ZNF529: variants seen among roughly 807,000 people sequenced by gnomAD.
ZNF529 encodes zinc finger protein 529.
A neutral mutation model predicts 10.1 loss-of-function variants in ZNF529; 11 were observed. The ratio of observed to expected loss-of-function variants is 1.09; its 90% CI spans 0.69 to 1.81. The LOEUF is 1.81. Among genes scored for constraint, ZNF529 ranks in the 40% most tolerant of loss-of-function variants. ZNF529 has a pLI of 0.00. For synonymous variants in ZNF529, 204 were observed against 215.7 expected, an observed-to-expected ratio of 0.95 and a Z score of 0.47; for missense variants, 624 against 666.8, an observed-to-expected ratio of 0.94 and a Z score of 0.71.
intron 2 of ZNF529, among the ~76,000 whole-genome samples, chr19:36,570,165 A>T (rs367774114): frequency 6.6e-6 from 1 of 152,042 alleles, no homozygotes; most frequent in Non-Finnish European, 1.5e-5. Context: ...GTTCAAGATC[A>T]GCTTGGGCAA....
chr19:36,576,155 C>A (rs974680442), upstream of ZNF529, among the ~76,000 whole-genome samples: 3 of 151,980 alleles, frequency 2.0e-5, no homozygotes, highest in African/African-American at 7.2e-5. Flanking sequence ...CCTCACGTGA[C>A]TTCTTTTGCC....
chr19:36,552,232 T>C (rs376582967), intron 4 of ZNF529, among the ~76,000 whole-genome samples: 353 of 152,092 alleles, frequency 2.3e-3, no homozygotes, highest in Non-Finnish European at 3.8e-3. Context: ...AGATTGAGAC[T>C]ATCCTGGCTA....
rs1568574264 is a variant in ZNF529 at position 36,548,325 on chromosome 19, G to C, written c.236-3C>G. ...AGTCTCATTCCTGGACTCCAAATCT[G>C]AAAGAAAGGAAAAAATAATTTTCAT... On this transcript the variant is annotated splice_polypyrimidine_tract_variant and splice_region_variant and intron_variant, in intron 4 of 4. Coordinates refer to ENST00000591340, the MANE Select transcript of ZNF529 (RefSeq NM_020951.5). 6.7e-7 allele frequency: 1 copy of C among 1,495,466 alleles called. No individual in the cohort carries two copies. Among genetic ancestry groups the C allele is most frequent in the Non-Finnish European group, 8.9e-7 (1 of 1,122,326 alleles). 92.6% of individuals were successfully genotyped at this position (1,495,466 alleles called of 1,614,324 possible). A position where few individuals can be genotyped will look rare whatever the true frequency, so the allele number is the denominator to read the frequency against.
At chr19:36,569,730 C>G (rs1037749135) in intron 2 of ZNF529, among the ~76,000 whole-genome samples, 24 of 152,152 alleles carry the variant, frequency 1.6e-4, no homozygotes, top group African/African-American at 5.8e-4. Context: ...GATCACACAA[C>G]TGCACTCCAG....
intron 4 of ZNF529, among the ~76,000 whole-genome samples, chr19:36,552,615 C>T (rs541368819): frequency 6.6e-6 from 1 of 152,288 alleles, no homozygotes; most frequent in Admixed American, 6.5e-5. Context: ...TGTCTTCTTT[C>T]ACATCCCATA....
rs2035091356 is a variant in ZNF529 at position 36,547,665 on chromosome 19, G to GT, written c.892dup (p.Thr298AsnfsTer9). The GT allele has an allele frequency of 1.2e-6, 2 of 1,613,748 alleles. No individual in the cohort carries two copies. Among genetic ancestry groups the GT allele is most frequent in the South Asian group, 2.2e-5 (2 of 91,076 alleles). On this transcript the variant is annotated frameshift_variant, in exon 5 of 5. Transcript: ENST00000591340. LOFTEE classifies it low-confidence loss of function (END_TRUNC). ...ATCAGTATGGATTTTCTGATGTCGA[G>GT]TAAGTTGTGCATGCACTCTAAAGGA...
intron 4 of ZNF529, among the ~76,000 whole-genome samples, chr19:36,552,213 G>A (rs946555226): frequency 2.0e-5 from 3 of 152,034 alleles, no homozygotes; most frequent in Non-Finnish European, 2.9e-5. Flanking sequence ...GGCAGATCAC[G>A]AGGTCAGGAG....
At position 36,573,217 on chromosome 19, in the gene ZNF529, G is replaced by T. The variant is rs769896077; in HGVS notation, c.-124C>A. ...TGGACCGACCTCGCCCGGCAGCGCG[G>T]GGCCACCTCACCGCGAGCTCCTCCC... On this transcript the variant is annotated 5_prime_UTR_variant, in exon 1 of 5. Transcript: ENST00000591340. The T allele has an allele frequency of 4.9e-5, 16 of 325,742 alleles. No individual in the cohort carries two copies. The highest frequency in any genetic ancestry group is 8.7e-5 in the African/African-American group (4 of 46,224). The allele number at this position is 325,742 out of a possible 1,614,324, so 20.2% of individuals were successfully genotyped here.
chr19:36,554,752 C>A lies in ZNF529; in HGVS notation c.153G>T (p.Glu51Asp). 1 of 1,577,416 alleles carries A rather than the reference C, an allele frequency of 6.3e-7. No individual in the cohort carries two copies. Among genetic ancestry groups the A allele is most frequent in the Admixed American group, 1.8e-5 (1 of 54,264 alleles). ...LRDVVINFSQEEWEYLDSAQR... is the reference protein window; with the variant it reads ...LRDVVINFSQDEWEYLDSAQR... ...GAGCAGAATCCAGATATTCCCATTC[C>A]TCCTGAGAGAAGTTGATGACCACAT... is the stretch of plus-strand genomic sequence containing the variant. The change falls in exon 4 of 5, where the codon GAG (glutamate) becomes GAT (aspartate). Residue 51 changes from glutamate (E) to aspartate (D), a missense_variant. Physicochemically the swap from Glu to Asp is conservative, Grantham distance 45 (BLOSUM62 2). Transcript: ENST00000591340.
intron 2 of ZNF529, among the ~76,000 whole-genome samples, chr19:36,565,081 G>A (rs1399203988): frequency 1.3e-5 from 2 of 152,076 alleles, no homozygotes. Flanking sequence ...TACACACTGC[G>A]ACTACTAGAG....
upstream of ZNF529, chr19:36,577,333 T>C (rs3108598): frequency 0.23 from 77,369 of 330,936 alleles, 9,651 homozygotes; most frequent in South Asian, 0.33. Context: ...GGTCCTCCCA[T>C]GTTACATTGT....
intron 2 of ZNF529, among the ~76,000 whole-genome samples, chr19:36,559,030 T>G (rs1007749294): frequency 2.6e-5 from 4 of 151,010 alleles, no homozygotes; most frequent in African/African-American, 9.7e-5. Context: ...TATAAAAAGG[T>G]GCTCAATATC....
At chr19:36,551,163 A>C (rs180920391) in intron 4 of ZNF529, among the ~76,000 whole-genome samples, 1 of 152,234 alleles carries the variant, frequency 6.6e-6, no homozygotes, top group African/African-American at 2.4e-5. Flanking sequence ...TGCGGGAGCT[A>C]AAGTGCCACC....
At chr19:36,582,454 C>G (rs1359606340) in intron 2 of ZNF529, 2 of 152,050 alleles carry the variant, frequency 1.3e-5, no homozygotes, top group South Asian at 2.1e-4. Flanking sequence ...GCCTGTAATC[C>G]CAGCACTGTG....
At chr19:36,572,580 G>C (rs891296592) in intron 1 of ZNF529, among the ~76,000 whole-genome samples, 188 bp from the exon 2 acceptor site, 5 of 152,110 alleles carry the variant, frequency 3.3e-5, no homozygotes, top group Admixed American at 6.5e-5. Flanking sequence ...AGTTTCTAGG[G>C]AACACAGCTC....
At chr19:36,561,468 C>T (rs2035693661) in intron 2 of ZNF529, among the ~76,000 whole-genome samples, 2 of 151,858 alleles carry the variant, frequency 1.3e-5, no homozygotes, top group South Asian at 4.2e-4. Context: ...CTGCAACCTC[C>T]GCCTCCCCGG....
intron 1 of ZNF529, among the ~76,000 whole-genome samples, chr19:36,603,019 G>A (rs2036954514): frequency 6.6e-6 from 1 of 151,280 alleles, no homozygotes; most frequent in Non-Finnish European, 1.5e-5. Context: ...GTATCCCCTC[G>A]GAAAAACTTC....
rs1452149189 is a variant in ZNF529, at chr19:36,546,057, G to A, written c.*809C>T. On this transcript the variant is annotated 3_prime_UTR_variant, in exon 5 of 5. Transcript: ENST00000591340. ...ATATATACATATATTGTGTGTGTGT[G>A]TGTGTATATATATATATATATATAG... is the stretch of plus-strand genomic sequence containing the variant. The A allele has an allele frequency of 2.5e-5, 2 of 79,332 alleles. No individual in the cohort carries two copies. The highest frequency in any genetic ancestry group is 3.6e-4 in the South Asian group (1 of 2,770). The allele number at this position is 79,332 out of a possible 1,614,324, so 4.9% of individuals were successfully genotyped here.
intron 2 of ZNF529, among the ~76,000 whole-genome samples, chr19:36,584,164 G>T (rs1229253808): frequency 1.3e-5 from 2 of 152,140 alleles, no homozygotes; most frequent in Non-Finnish European, 2.9e-5. Flanking sequence ...TAAAAGGAAA[G>T]ATGATTGGGC....
Sources: gnomAD v4.1 joint callset for allele counts (sites outside exome capture counted in the v4.1 genomes callset) on GRCh38, gnomAD v4.1.1 for gene constraint, MANE v1.5 for transcripts, NCBI Gene and HGNC (gene_info 2026-07-23, HGNC 2026-07-21) for gene names.